KIAA1671: variants seen among roughly 807,000 people sequenced by gnomAD.
KIAA1671 encodes the protein KIAA1671.
In KIAA1671, 52 loss-of-function variants were observed where a neutral mutation model predicts 131.2. That is an observed-to-expected ratio of 0.40 (90% CI 0.32 to 0.50). KIAA1671 has a LOEUF of 0.50. KIAA1671 is among the 20% of genes least tolerant of loss of function. The pLI is 0.73. For missense variants in KIAA1671, 2,360 were observed against 2,364.2 expected (o/e 1.00, Z 0.04); for synonymous variants, 1,003 against 961.6 (o/e 1.04, Z -0.80).
intron 6 of KIAA1671, among the ~76,000 whole-genome samples, chr22:25,154,014 AT>A (rs1258201323): frequency 3.3e-5 from 5 of 152,328 alleles, no homozygotes; most frequent in African/African-American, 1.2e-4. Context: ...TGCTTCAGGC[AT>A]TCTTGGGAGG....
intron 1 of KIAA1671, chr22:25,023,216 T>C (rs1925769010): frequency 6.6e-6 from 1 of 151,218 alleles, no homozygotes. Context: ...TCTAAATAAA[T>C]AAACAGCCAG....
At chr22:25,070,436 G>A (rs1356066904) in intron 6 of KIAA1671, 3 of 458,538 alleles carry the variant, frequency 6.5e-6, no homozygotes, top group African/African-American at 2.0e-5. Flanking sequence ...GGGGGGCAGT[G>A]CAGGCTCCAG....
At chr22:25,019,809 A>C (rs1925564252) in intron 1 of KIAA1671, among the ~76,000 whole-genome samples, 1 of 152,162 alleles carries the variant, frequency 6.6e-6, no homozygotes, top group Non-Finnish European at 1.5e-5. Context: ...TAGTTAAGGC[A>C]ACCATTTTTT....
intron 6 of KIAA1671, among the ~76,000 whole-genome samples, chr22:25,157,598 AGAAATT>A: frequency 2.0e-5 from 3 of 152,316 alleles, no homozygotes; most frequent in Admixed American, 2.0e-4. Flanking sequence ...TTATATTAAC[AGAAATT>A]CTGAGTTAAA....
chr22:25,195,074 C>G lies in KIAA1671; in HGVS notation c.*2673C>G, dbSNP rs562043190. The G allele has an allele frequency of 6.6e-6, 1 of 152,310 alleles. No individual in the cohort carries two copies. Among genetic ancestry groups the G allele is most frequent in the African/African-American group, 2.4e-5 (1 of 41,552 alleles). 9.4% of individuals were successfully genotyped at this position (152,310 alleles called of 1,614,324 possible). A position where few individuals can be genotyped will look rare whatever the true frequency, so the allele number is the denominator to read the frequency against. The stretch of plus-strand genomic sequence containing the variant: ...AATCATCTGTGTGTAATGGAGTCAT[C>G]CGCTCCTCAATCTAACCCTCCTCCC... On this transcript the variant is annotated 3_prime_UTR_variant, in exon 13 of 13. Transcript: ENST00000358431.
intron 6 of KIAA1671, among the ~76,000 whole-genome samples, chr22:25,162,194 G>A (rs1298616968): frequency 1.3e-5 from 2 of 152,276 alleles, no homozygotes; most frequent in Non-Finnish European, 1.5e-5. Flanking sequence ...GTCAGCCCCT[G>A]CCATTATTGT....
chr22:25,151,779 C>T (rs1445630240), intron 6 of KIAA1671, among the ~76,000 whole-genome samples: 2 of 151,948 alleles, frequency 1.3e-5, no homozygotes, highest in Non-Finnish European at 2.9e-5. Context: ...TGCTCTGTTG[C>T]CCGGGCAGGA....
At chr22:25,153,510 A>G (rs983015537) in intron 6 of KIAA1671, among the ~76,000 whole-genome samples, 3 of 152,220 alleles carry the variant, frequency 2.0e-5, no homozygotes, top group African/African-American at 7.2e-5. Context: ...ATACCCATGC[A>G]TTGCCTTTCT....
At chr22:24,987,677 C>A (rs961025486) in intron 1 of KIAA1671, among the ~76,000 whole-genome samples, 5 of 152,066 alleles carry the variant, frequency 3.3e-5, no homozygotes, top group African/African-American at 1.2e-4. Context: ...TGCTGTATTG[C>A]CCAGCCTGGC....
At chr22:25,035,675 A>G (rs1926548996) in intron 4 of KIAA1671, among the ~76,000 whole-genome samples, 3 of 152,222 alleles carry the variant, frequency 2.0e-5, no homozygotes, top group Non-Finnish European at 2.9e-5. Context: ...TGCTGTAGTG[A>G]CAGCAGCAGC....
chr22:25,100,012 T>C (rs926813934), intron 6 of KIAA1671, among the ~76,000 whole-genome samples: 2 of 152,204 alleles, frequency 1.3e-5, no homozygotes, highest in African/African-American at 4.8e-5. Context: ...CCCCAGGCCA[T>C]ACAGTATTTG....
chr22:25,167,434 G>C (rs1933683310), intron 6 of KIAA1671, among the ~76,000 whole-genome samples: 1 of 152,200 alleles, frequency 6.6e-6, no homozygotes, highest in Admixed American at 6.5e-5. Flanking sequence ...GCAACCAAAA[G>C]TCCCAGCACT....
intron 1 of KIAA1671, among the ~76,000 whole-genome samples, chr22:24,994,562 C>T (rs1436645226): frequency 6.6e-6 from 1 of 152,100 alleles, no homozygotes; most frequent in Non-Finnish European, 1.5e-5. Context: ...TAGGCTCTTC[C>T]CAGGCACCCT....
rs890019261 is a variant in KIAA1671 at position 25,038,291 on chromosome 22, C to G, written c.1630-469C>G. 9.9e-5 allele frequency among the ~76,000 whole-genome samples: 15 copies of G among 152,204 alleles called. No individual in the cohort carries two copies. The East Asian group carries it at 2.9e-3, about 29-fold the overall frequency. On this transcript the variant is annotated intron_variant, in intron 4 of 12. Transcript: ENST00000358431. ...TGCTGAGATTACAGGCGTGAGCCACCGCGCCTGGCTGGATCTGCCTCTTTC... is the reference window on the plus strand; with the variant it reads ...TGCTGAGATTACAGGCGTGAGCCACGGCGCCTGGCTGGATCTGCCTCTTTC...
intron 11 of KIAA1671, among the ~76,000 whole-genome samples, chr22:25,189,437 T>G (rs1934596365): frequency 6.6e-6 from 1 of 152,166 alleles, no homozygotes; most frequent in Non-Finnish European, 1.5e-5. Flanking sequence ...CCTCCCAAAG[T>G]GCAGGGATTA....
At chr22:25,097,072 G>T (rs1379834992) in intron 6 of KIAA1671, among the ~76,000 whole-genome samples, 1 of 152,192 alleles carries the variant, frequency 6.6e-6, no homozygotes, top group Non-Finnish European at 1.5e-5. Context: ...AAGCTGCTAT[G>T]AACATTCCTA....
At chr22:25,089,964 G>A (rs1374848029) in intron 6 of KIAA1671, among the ~76,000 whole-genome samples, 1 of 152,206 alleles carries the variant, frequency 6.6e-6, no homozygotes, top group African/African-American at 2.4e-5. Context: ...AAAGAACGGC[G>A]TGTGTAGGTA....
chr22:24,966,615 A>G (rs967214440), intron 1 of KIAA1671, among the ~76,000 whole-genome samples: 1 of 152,174 alleles, frequency 6.6e-6, no homozygotes, highest in Non-Finnish European at 1.5e-5. Flanking sequence ...GTGCTTATCA[A>G]GTGAAGAGGT....
intron 6 of KIAA1671, among the ~76,000 whole-genome samples, chr22:25,142,531 A>C (rs962459809): frequency 6.6e-6 from 1 of 152,126 alleles, no homozygotes; most frequent in Admixed American, 6.5e-5. Flanking sequence ...TTTTGGGTCC[A>C]CAGGGGCTGA....
Sources: allele counts gnomAD v4.1 joint callset (sites outside exome capture counted in the v4.1 genomes callset), GRCh38; gene constraint gnomAD v4.1.1; transcripts MANE v1.5; gene names NCBI Gene and HGNC (gene_info 2026-07-23, HGNC 2026-07-21).